LOC400499: variants seen among roughly 807,000 people sequenced by gnomAD.
the LOC400499 span, among the ~76,000 whole-genome samples, chr16:11,470,002 A>C: frequency 6.6e-6 from 1 of 152,074 alleles, no homozygotes; most frequent in Non-Finnish European, 1.5e-5. Flanking sequence ...TCCCAGGTTC[A>C]AGTGATTCTC....
chr16:11,446,132 C>CT, the LOC400499 span, among the ~76,000 whole-genome samples: 1 of 151,180 alleles, frequency 6.6e-6, no homozygotes. Context: ...GCCAGGAGAA[C>CT]TTTTTTGTGT....
the LOC400499 span, chr16:11,461,048 G>C: frequency 1.3e-6 from 2 of 1,536,130 alleles, no homozygotes; most frequent in African/African-American, 1.4e-5. Flanking sequence ...AGCCCCACCA[G>C]CCCTGGCACA....
the LOC400499 span, chr16:11,450,521 C>T: frequency 6.7e-6 from 9 of 1,336,520 alleles, no homozygotes; most frequent in South Asian, 9.5e-5. Flanking sequence ...TATCTGCCCA[C>T]AGACCTCAGC....
chr16:11,509,119 T>C, the LOC400499 span, among the ~76,000 whole-genome samples: 20 of 103,984 alleles, frequency 1.9e-4, no homozygotes, highest in Non-Finnish European at 3.9e-4. Flanking sequence ...TCCTTTTTTT[T>C]CTTTTTTTTT....
chr16:11,407,652 A>C, the LOC400499 span, among the ~76,000 whole-genome samples: 1 of 152,232 alleles, frequency 6.6e-6, no homozygotes, highest in Non-Finnish European at 1.5e-5. Context: ...TGCAGACAGC[A>C]GGGGGCAGTC....
the LOC400499 span, chr16:11,462,436 T>C: frequency 1.6e-6 from 2 of 1,283,224 alleles, no homozygotes; most frequent in Non-Finnish European, 9.8e-7. Flanking sequence ...TACCCAATTT[T>C]TCTTTTTCCT....
the LOC400499 span, among the ~76,000 whole-genome samples, chr16:11,448,548 AAACAAACAAACAAACAAAC>A: frequency 8.8e-3 from 1,281 of 145,924 alleles, 14 homozygotes; most frequent in African/African-American, 0.027. Context: ...ACAAACAAAC[AAACAAACAAACAAACAAAC>A]GTCAGTGATG....
chr16:11,477,675 C>G, the LOC400499 span: 3 of 393,418 alleles, frequency 7.6e-6, no homozygotes, highest in Non-Finnish European at 1.3e-5. Flanking sequence ...AACCACCCAG[C>G]ATCTCTGCAC....
chr16:11,442,991 C>G, the LOC400499 span, among the ~76,000 whole-genome samples: 1 of 152,090 alleles, frequency 6.6e-6, no homozygotes, highest in African/African-American at 2.4e-5. Flanking sequence ...TCAACAGCTG[C>G]CTGGTTCACC....
the LOC400499 span, among the ~76,000 whole-genome samples, chr16:11,428,579 G>T: frequency 2.0e-5 from 3 of 152,146 alleles, no homozygotes; most frequent in Non-Finnish European, 4.4e-5. Context: ...ACGAACAGAG[G>T]ACGCTCTCGT....
chr16:11,373,282 CAG>C, the LOC400499 span, among the ~76,000 whole-genome samples: 1 of 152,212 alleles, frequency 6.6e-6, no homozygotes, highest in Admixed American at 6.5e-5. Flanking sequence ...GATGGACACT[CAG>C]AGCTACCAGG....
At chr16:11,386,799 A>T in the LOC400499 span, among the ~76,000 whole-genome samples, 10 of 152,192 alleles carry the variant, frequency 6.6e-5, no homozygotes, top group Non-Finnish European at 1.5e-5. Flanking sequence ...GTCGCCTCTG[A>T]CCGGCGAGTC....
chr16:11,461,011 C>A, the LOC400499 span: 9 of 1,535,776 alleles, frequency 5.9e-6, no homozygotes, highest in African/African-American at 1.1e-4. Flanking sequence ...GAGCTGGCCC[C>A]GTTGCTGCAG....
the LOC400499 span, among the ~76,000 whole-genome samples, chr16:11,401,683 C>A: frequency 3.9e-5 from 6 of 152,212 alleles, no homozygotes; most frequent in Non-Finnish European, 5.9e-5. Flanking sequence ...GCTCTGTGGC[C>A]CCGGGCAGGT....
the LOC400499 span, among the ~76,000 whole-genome samples, chr16:11,464,099 G>A: frequency 6.6e-6 from 1 of 152,212 alleles, no homozygotes; most frequent in Admixed American, 6.5e-5. Flanking sequence ...TGTATGTACA[G>A]CTGTATCTAC....
At chr16:11,501,171 C>T in the LOC400499 span, among the ~76,000 whole-genome samples, 1 of 152,220 alleles carries the variant, frequency 6.6e-6, no homozygotes, top group East Asian at 1.9e-4. Flanking sequence ...AGCCCAGACC[C>T]CGGCAGCTCT....
the LOC400499 span, chr16:11,390,238 C>A: frequency 1.6e-6 from 2 of 1,232,586 alleles, no homozygotes; most frequent in African/African-American, 1.5e-5. Flanking sequence ...CTGGCTCAGT[C>A]ATCCTCACCT....
chr16:11,464,886 G>A, the LOC400499 span, among the ~76,000 whole-genome samples: 2 of 152,234 alleles, frequency 1.3e-5, no homozygotes, highest in African/African-American at 2.4e-5. Flanking sequence ...AAGGGCCCCT[G>A]GGAATTCTGA....
chr16:11,425,250 C>A, the LOC400499 span: 2 of 399,052 alleles, frequency 5.0e-6, no homozygotes, highest in Non-Finnish European at 8.8e-6. Flanking sequence ...GGCCTGGGCC[C>A]TCAGGTTCCT....
Sources: allele counts gnomAD v4.1 joint callset (sites outside exome capture counted in the v4.1 genomes callset), GRCh38; gene constraint gnomAD v4.1.1; transcripts MANE v1.5.